The following TAFA2 variants were observed in gnomAD, a reference collection of about 807,000 sequenced individuals.
TAFA2 encodes the protein TAFA chemokine like family member 2.
TAFA2 carries 7 observed loss-of-function variants against 18.8 expected under a neutral mutation model. The observed-to-expected ratio is 0.37, with a 90% CI of 0.21 to 0.70. The LOEUF is 0.70. Among genes scored for constraint, TAFA2 ranks in the 30% least tolerant of loss-of-function variants. The pLI, the probability that TAFA2 is intolerant of heterozygous loss-of-function variation, is 0.53. For missense variants in TAFA2, 122 were observed against 158.1 expected (o/e 0.77, Z 1.23); for synonymous variants, 60 against 54.2 (o/e 1.11, Z -0.47).
intron 1 of TAFA2, among the ~76,000 whole-genome samples, chr12:61,941,859 G>A (rs1421600816): frequency 5.9e-5 from 9 of 152,262 alleles, no homozygotes; most frequent in Non-Finnish European, 7.4e-5. Flanking sequence ...ACTGCAAGGC[G>A]GCAGCGAGGC....
chr12:61,972,125 A>T (rs1419154755), intron 1 of TAFA2, among the ~76,000 whole-genome samples: 1 of 151,620 alleles, frequency 6.6e-6, no homozygotes, highest in Non-Finnish European at 1.5e-5. Flanking sequence ...CATGCACAGG[A>T]TGTGCAGGTT....
chr12:61,742,574 CTT>C (rs1868506192), intron 4 of TAFA2, among the ~76,000 whole-genome samples: 1 of 151,948 alleles, frequency 6.6e-6, no homozygotes, highest in Non-Finnish European at 1.5e-5. Context: ...GTTAAAATGT[CTT>C]TGACGCTCTT....
intron 1 of TAFA2, among the ~76,000 whole-genome samples, chr12:62,161,635 T>C (rs2062407595): frequency 6.6e-6 from 1 of 151,144 alleles, no homozygotes; most frequent in South Asian, 2.1e-4. Context: ...CTGAAAGCCC[T>C]GACTTGGCCA....
chr12:61,869,304 G>A lies in TAFA2; in HGVS notation c.-1-1878C>T, dbSNP rs190089130. Among the ~76,000 whole-genome samples the A allele has an allele frequency of 1.7e-4, 26 of 152,278 alleles. No homozygotes were observed. The East Asian group carries it at 3.5e-3, about 20-fold the overall frequency. On this transcript the variant is annotated intron_variant, in intron 1 of 4. Transcript: ENST00000416284. ...AGATTATTTTCATTGTCAGTAAGAC[G>A]AAGATAATAATATGTACCTAACAGT... is the stretch of plus-strand genomic sequence containing the variant.
intron 1 of TAFA2, among the ~76,000 whole-genome samples, chr12:62,049,693 G>A (rs2136772204): frequency 6.6e-6 from 1 of 152,074 alleles, no homozygotes; most frequent in East Asian, 1.9e-4. Flanking sequence ...ACATATACAG[G>A]AAAAACAGAA....
chr12:62,024,262 G>C (rs148802813), intron 1 of TAFA2, among the ~76,000 whole-genome samples: 115 of 152,158 alleles, frequency 7.6e-4, no homozygotes, highest in Non-Finnish European at 1.3e-3. Flanking sequence ...AAAATCCACC[G>C]TATAAGTAAC....
intron 1 of TAFA2, among the ~76,000 whole-genome samples, chr12:61,998,806 G>A (rs1276442818): frequency 6.6e-6 from 1 of 152,206 alleles, no homozygotes; most frequent in East Asian, 1.9e-4. Context: ...GAGGGGCTGG[G>A]AATACACATC....
upstream of TAFA2, among the ~76,000 whole-genome samples, chr12:62,193,640 A>T (rs1464978994): frequency 6.6e-6 from 1 of 152,242 alleles, no homozygotes; most frequent in Non-Finnish European, 1.5e-5. Context: ...TTTATAAAAA[A>T]TAGCTCCACC....
intron 4 of TAFA2, among the ~76,000 whole-genome samples, chr12:61,739,591 G>C (rs753746289): frequency 6.6e-6 from 1 of 151,932 alleles, no homozygotes; most frequent in African/African-American, 2.4e-5. Flanking sequence ...GGTACAACGT[G>C]AATTATTTTA....
chr12:61,959,170 AT>A (rs1878797289), intron 1 of TAFA2, among the ~76,000 whole-genome samples: 1 of 151,686 alleles, frequency 6.6e-6, no homozygotes, highest in Admixed American at 6.6e-5. Flanking sequence ...TCATACATTT[AT>A]TTTTCCATGT....
At chr12:62,246,275 C>T (rs1037279014) in intron 1 of TAFA2, among the ~76,000 whole-genome samples, 16 of 152,308 alleles carry the variant, frequency 1.1e-4, no homozygotes, top group Middle Eastern at 3.4e-3. Flanking sequence ...CGTGAGCCAC[C>T]GTGCCCGGCC....
chr12:61,870,370 A>T (rs1343128939), intron 1 of TAFA2, among the ~76,000 whole-genome samples: 1 of 152,186 alleles, frequency 6.6e-6, no homozygotes, highest in Non-Finnish European at 1.5e-5. Context: ...CTTTTTCACA[A>T]CTATATTTGC....
intron 4 of TAFA2, among the ~76,000 whole-genome samples, chr12:61,726,046 TCA>T (rs1870151430): frequency 1.3e-5 from 2 of 151,194 alleles, no homozygotes; most frequent in Non-Finnish European, 3.0e-5. Flanking sequence ...AAAAAGCAAG[TCA>T]CACGTGGGGA....
At chr12:61,934,751 C>T (rs1877696988) in intron 1 of TAFA2, among the ~76,000 whole-genome samples, 2 of 152,174 alleles carry the variant, frequency 1.3e-5, no homozygotes, top group Non-Finnish European at 2.9e-5. Context: ...TAGAGAGGAC[C>T]TTTCACACTG....
chr12:61,874,484 A>G (rs1874757892), intron 1 of TAFA2, among the ~76,000 whole-genome samples: 1 of 152,108 alleles, frequency 6.6e-6, no homozygotes, highest in Non-Finnish European at 1.5e-5. Context: ...AAGAACCACA[A>G]TTATCTGCTT....
At chr12:61,761,515 T>A (rs1405072852) in intron 2 of TAFA2, among the ~76,000 whole-genome samples, 1 of 152,046 alleles carries the variant, frequency 6.6e-6, no homozygotes, top group African/African-American at 2.4e-5. Context: ...TTACATTCTA[T>A]ATGTGAAAAT....
chr12:62,201,264 T>A (rs2136967675), intron 1 of TAFA2, among the ~76,000 whole-genome samples: 1 of 152,268 alleles, frequency 6.6e-6, no homozygotes, highest in Non-Finnish European at 1.5e-5. Context: ...TGGCCAGAAC[T>A]TCCAATACTA....
At chr12:62,063,107 T>C (rs962679857) in intron 1 of TAFA2, among the ~76,000 whole-genome samples, 4 of 152,078 alleles carry the variant, frequency 2.6e-5, no homozygotes, top group African/African-American at 9.7e-5. Context: ...TAAGGTAATA[T>C]ATTCACAATT....
chr12:61,874,236 ACTAG>A (rs1343178140), intron 1 of TAFA2, among the ~76,000 whole-genome samples: 5 of 152,194 alleles, frequency 3.3e-5, no homozygotes, highest in African/African-American at 1.2e-4. Flanking sequence ...GATTAGCCTA[ACTAG>A]GTCATATTTT....
Sources: gnomAD v4.1 joint callset for allele counts (sites outside exome capture counted in the v4.1 genomes callset) on GRCh38, gnomAD v4.1.1 for gene constraint, MANE v1.5 for transcripts, NCBI Gene and HGNC (gene_info 2026-07-23, HGNC 2026-07-21) for gene names.